VPS53: variants seen among roughly 807,000 people sequenced by gnomAD.
VPS53 encodes the protein VPS53 subunit of GARP complex, also known as vacuolar protein sorting-associated protein 53 homolog.
Under a neutral mutation model 107.0 loss-of-function variants are expected in VPS53, and 70 were observed. The ratio of observed to expected loss-of-function variants is 0.65; its 90% confidence interval spans 0.54 to 0.80. The LOEUF is 0.80. Ranked by LOEUF, VPS53 falls within the 30% of genes least tolerant of loss-of-function variation. The pLI, the probability that VPS53 is intolerant of heterozygous loss-of-function variation, is 0.00. For missense variants in VPS53, 917 were observed against 1,049.4 expected, an observed-to-expected ratio of 0.87 and a Z score of 1.74; for synonymous variants, 409 against 393.3, an observed-to-expected ratio of 1.04 and a Z score of -0.47.
Position 545,823 on chromosome 17 carries a change from G to A in VPS53, c.1866+6049C>T, listed in dbSNP as rs549947845. Among the ~76,000 whole-genome samples the A allele has an allele frequency of 2.6e-5, 4 of 152,310 alleles. No homozygotes were observed. In the South Asian group the frequency reaches 8.3e-4, roughly 32 times the overall value. On this transcript the variant is annotated intron_variant, in intron 17 of 21. Coordinates refer to ENST00000437048, the MANE Select transcript of VPS53 (RefSeq NM_001128159.3). ...AGCAGAAAGGTAGTCTAGGTACTAT[G>A]GTGTCTTGAAAGAGAAATAAATATG... is the stretch of plus-strand genomic sequence containing the variant.
At chr17:668,980 G>A (rs951596692) in intron 4 of VPS53, among the ~76,000 whole-genome samples, 4 of 151,936 alleles carry the variant, frequency 2.6e-5, no homozygotes, top group Admixed American at 6.6e-5. Flanking sequence ...GACTTTTTTC[G>A]GGCTGGAATA....
intron 7 of VPS53, among the ~76,000 whole-genome samples, chr17:635,167 T>C (rs946768391): frequency 1.3e-5 from 2 of 152,246 alleles, no homozygotes; most frequent in Non-Finnish European, 2.9e-5. Context: ...CATTTTTTCA[T>C]GTGTCTGTTG....
intron 4 of VPS53, among the ~76,000 whole-genome samples, chr17:684,171 C>G (rs1358519276): frequency 1.3e-5 from 2 of 152,212 alleles, no homozygotes. Context: ...TTAAATCCAA[C>G]TATATCATGG....
chr17:528,897 C>G (rs763440479), intron 19 of VPS53, among the ~76,000 whole-genome samples: 2 of 152,068 alleles, frequency 1.3e-5, no homozygotes, highest in African/African-American at 2.4e-5. Context: ...TGCACCCTGC[C>G]TTTTTCAATT....
intron 11 of VPS53, chr17:615,979 AC>A (rs1464031276): frequency 6.6e-6 from 1 of 152,322 alleles, no homozygotes; most frequent in Admixed American, 6.5e-5. Context: ...TGCACGGCCC[AC>A]AATGAGATGA....
At chr17:567,037 G>A (rs570890969) in intron 13 of VPS53, among the ~76,000 whole-genome samples, 6 of 152,126 alleles carry the variant, frequency 3.9e-5, no homozygotes, top group East Asian at 1.9e-4. Context: ...GAGCCACTGC[G>A]CCCAGCCGAC....
intron 4 of VPS53, among the ~76,000 whole-genome samples, chr17:671,967 G>A (rs994031178): frequency 9.2e-5 from 14 of 152,040 alleles, no homozygotes; most frequent in Admixed American, 2.6e-4. Flanking sequence ...GATTACAGGC[G>A]TGAGCCACCA....
chr17:611,967 T>A (rs1331693891), intron 11 of VPS53, among the ~76,000 whole-genome samples: 1 of 150,530 alleles, frequency 6.6e-6, no homozygotes, highest in Non-Finnish European at 1.5e-5. Context: ...GTTCACACAG[T>A]GAAAACCTGT....
intron 4 of VPS53, among the ~76,000 whole-genome samples, chr17:689,991 A>C (rs1972723668): frequency 6.6e-6 from 1 of 152,300 alleles, no homozygotes; most frequent in African/African-American, 2.4e-5. Flanking sequence ...CGACACACAC[A>C]GACAGGTAGA....
intron 14 of VPS53, among the ~76,000 whole-genome samples, chr17:561,651 G>A (rs1913007141): frequency 6.6e-6 from 1 of 151,986 alleles, no homozygotes; most frequent in Non-Finnish European, 1.5e-5. Context: ...ATTTTTTAGG[G>A]CGGAGTCTCC....
rs1468726917 is a variant in VPS53 at position 513,661 on chromosome 17, C to A, written c.*5467G>T. On this transcript the variant is annotated 3_prime_UTR_variant, in exon 22 of 22. Coordinates refer to ENST00000437048, the MANE Select transcript of VPS53 (RefSeq NM_001128159.3). ...CCAGCAGGTTATTCCGAGTGCTCTT[C>A]CTAGCGAAGGAATCCCATTTCCAGC... The A allele has an allele frequency of 1.4e-5, 2 of 143,346 alleles. No individual in the cohort carries two copies. The highest frequency in any genetic ancestry group is 5.0e-5 in the African/African-American group (2 of 40,134). 8.9% of individuals were successfully genotyped at this position (143,346 alleles called of 1,614,324 possible).
intron 17 of VPS53, among the ~76,000 whole-genome samples, chr17:551,084 G>A (rs1011449931): frequency 6.6e-6 from 1 of 151,638 alleles, no homozygotes; most frequent in African/African-American, 2.4e-5. Context: ...AAAGGACATG[G>A]CTGATTGGTT....
chr17:659,659 A>G (rs185798952), intron 5 of VPS53, among the ~76,000 whole-genome samples: 1 of 151,322 alleles, frequency 6.6e-6, no homozygotes, highest in East Asian at 1.9e-4. Context: ...AGTCCTAAAT[A>G]TTCTCCCTCT....
chr17:683,504 T>A (rs1451210446), intron 4 of VPS53, among the ~76,000 whole-genome samples: 1 of 152,168 alleles, frequency 6.6e-6, no homozygotes, highest in Non-Finnish European at 1.5e-5. Flanking sequence ...CAGACCGTGT[T>A]ATAAGAAACA....
intron 11 of VPS53, among the ~76,000 whole-genome samples, chr17:602,395 C>T (rs548784716): frequency 2.6e-5 from 4 of 152,286 alleles, no homozygotes; most frequent in South Asian, 4.1e-4. Context: ...ATCAAAGTGC[C>T]AGATGGATTT....
At chr17:683,858 C>G (rs1481366959) in intron 4 of VPS53, among the ~76,000 whole-genome samples, 2 of 152,232 alleles carry the variant, frequency 1.3e-5, no homozygotes, top group Middle Eastern at 3.4e-3. Context: ...AATGTAGAAA[C>G]TTGAAAACTG....
chr17:586,349 C>T lies in VPS53; in HGVS notation c.1234G>A (p.Ala412Thr), dbSNP rs1567651483. 4 of 1,613,970 alleles carry T rather than the reference C, an allele frequency of 2.5e-6. No homozygotes were observed. Among genetic ancestry groups the T allele is most frequent in the Non-Finnish European group, 3.4e-6 (4 of 1,179,970 alleles). Reference protein sequence around the residue: ...GDLDQPKKPKAPDNPFHGIVS... With the variant: ...GDLDQPKKPKTPDNPFHGIVS... The stretch of plus-strand genomic sequence containing the variant: ...ATGCCATGAAATGGATTGTCTGGGG[C>T]TTTAGGCTTCTTTGGCTGTAAAAAC... Residue 412 changes from alanine to threonine, a missense_variant, in exon 13 of 22, where the codon GCC becomes ACC. Transcript: ENST00000437048.
chr17:690,982 C>A (rs1972758004), intron 4 of VPS53, among the ~76,000 whole-genome samples: 1 of 152,282 alleles, frequency 6.6e-6, no homozygotes, highest in African/African-American at 2.4e-5. Context: ...AGTTAATGAG[C>A]TCGGCCCAGA....
chr17:655,910 T>G lies in VPS53; in HGVS notation c.416A>C (p.Lys139Thr). The change falls in exon 6 of 22, where the codon AAA becomes ACA. Residue 139 changes from lysine (K) to threonine (T), a missense_variant. Lys to Thr is a moderately conservative substitution (Grantham distance 78, BLOSUM62 -1). Transcript: ENST00000437048. ...GGTGATTGAGGTGGTCAGGTGGCGT[T>G]TGGCGTGATCTAATTGCTTAATATC... The part of the protein sequence containing the change: ...TRDIKQLDHA[K>T]RHLTTSITTL... 6.2e-7 allele frequency: 1 copy of G among 1,614,034 alleles called. No homozygotes were observed. The highest frequency in any genetic ancestry group is 8.5e-7 in the Non-Finnish European group (1 of 1,179,962).
Sources: gnomAD v4.1 joint callset for allele counts (sites outside exome capture counted in the v4.1 genomes callset) on GRCh38, gnomAD v4.1.1 for gene constraint, MANE v1.5 for transcripts, NCBI Gene and HGNC (gene_info 2026-07-23, HGNC 2026-07-21) for gene names.